The following BRAF variants were observed in gnomAD, a reference collection of about 807,000 sequenced individuals.
BRAF encodes the protein serine/threonine-protein kinase B-raf.
Under a neutral mutation model 104.6 loss-of-function variants are expected in BRAF, and 16 were observed. The observed-to-expected ratio is 0.15, with a 90% CI of 0.10 to 0.23. BRAF has a LOEUF of 0.23. BRAF is among the 10% of genes least tolerant of loss of function. The probability of loss-of-function intolerance (pLI) is 1.00; values close to 1 mark genes in which losing one functional copy is unlikely to be tolerated. For synonymous variants in BRAF, 310 were observed against 341.6 expected (o/e 0.91, Z 1.02); for missense variants, 541 against 937.3 (o/e 0.58, Z 5.52).
intron 2 of BRAF, among the ~76,000 whole-genome samples, chr7:140,844,745 G>A (rs1808367789): frequency 6.6e-6 from 1 of 152,138 alleles, no homozygotes; most frequent in African/African-American, 2.4e-5. Flanking sequence ...GGTCAACATG[G>A]TGAAACTCCG....
chr7:140,777,951 A>G, intron 13 of BRAF, 40 bp downstream of exon 12: 1 of 1,587,972 alleles, frequency 6.3e-7, no homozygotes, highest in Non-Finnish European at 8.6e-7. Context: ...TAATAAAAAT[A>G]ACTTCTTTCT....
In BRAF at chr7:140,720,898, C is replaced by T; in HGVS notation, c.*5596G>A. ...ACCCTTCCTTTGCGGCATCTCTTCA[C>T]AAATTTTCTGCCAACTCTCCCGCAT... On this transcript the variant is annotated 3_prime_UTR_variant, in exon 20 of 20. Coordinates refer to ENST00000644969, the MANE Select transcript of BRAF (RefSeq NM_001374258.1). 9.4e-7 allele frequency: 1 copy of T among 1,066,108 alleles called. No homozygotes were observed. Among genetic ancestry groups the T allele is most frequent in the Non-Finnish European group, 1.1e-6 (1 of 879,760 alleles). The allele number at this position is 1,066,108 out of a possible 1,614,324, so 66.0% of individuals were successfully genotyped here.
intron 12 of BRAF, chr7:140,780,505 G>C (rs912506769): frequency 6.6e-6 from 1 of 152,094 alleles, no homozygotes; most frequent in South Asian, 2.1e-4. Context: ...GCCTCCCAAA[G>C]TGCTGGGATT....
chr7:140,757,210 T>C (rs984456550), intron 14 of BRAF, among the ~76,000 whole-genome samples: 3 of 152,258 alleles, frequency 2.0e-5, no homozygotes, highest in South Asian at 4.1e-4. Context: ...TCAATTACAA[T>C]CCTAGAATAA....
At chr7:140,865,068 T>G (rs1810802314) in intron 1 of BRAF, among the ~76,000 whole-genome samples, 1 of 148,876 alleles carries the variant, frequency 6.7e-6, no homozygotes, top group South Asian at 2.1e-4. Flanking sequence ...TTGCAATGAG[T>G]GGAGGAAATG....
intron 5 of BRAF, among the ~76,000 whole-genome samples, chr7:140,802,147 T>C (rs1803188085): frequency 6.6e-6 from 1 of 152,180 alleles, no homozygotes; most frequent in South Asian, 2.1e-4. Flanking sequence ...CAGTCATGTG[T>C]CACATAATGA....
chr7:140,869,629 T>C (rs1433990419), intron 1 of BRAF, among the ~76,000 whole-genome samples: 1 of 146,708 alleles, frequency 6.8e-6, no homozygotes, highest in African/African-American at 2.5e-5. Flanking sequence ...TGAGACTCTG[T>C]CTCAAACAAA....
At chr7:140,829,028 G>A (rs976748935) in intron 3 of BRAF, among the ~76,000 whole-genome samples, 2 of 151,986 alleles carry the variant, frequency 1.3e-5, no homozygotes, top group Non-Finnish European at 1.5e-5. Context: ...CATCTTATAC[G>A]AACTGCCTAT....
intron 19 of BRAF, chr7:140,731,388 G>C (rs966565737): frequency 1.3e-5 from 2 of 152,162 alleles, no homozygotes; most frequent in African/African-American, 2.4e-5. Context: ...TGAGAAAACA[G>C]TCACAGGAAA....
At chr7:140,783,214 T>A (rs2129026555) in intron 10 of BRAF, 57 bp from the exon 10 acceptor site, 1 of 1,596,516 alleles carries the variant, frequency 6.3e-7, no homozygotes, top group Non-Finnish European at 8.6e-7. Context: ...TGTTAATTTA[T>A]CAGGGGTAGA....
At chr7:140,760,373 A>C (rs1331824756) in intron 14 of BRAF, among the ~76,000 whole-genome samples, 2 of 150,468 alleles carry the variant, frequency 1.3e-5, no homozygotes, top group Non-Finnish European at 3.0e-5. Flanking sequence ...AGATCATGCC[A>C]TTGTACTCCA....
rs1795566298 is a variant in BRAF, at chr7:140,725,755, C to T, written c.*739G>A. 2 of 1,060,648 alleles carry T rather than the reference C, an allele frequency of 1.9e-6. No homozygotes were observed. The highest frequency in any genetic ancestry group is 1.0e-4 in the East Asian group (2 of 19,526). The allele number at this position is 1,060,648 out of a possible 1,614,324, so 65.7% of individuals were successfully genotyped here. ...TTGCTGGACCCAATGAGAAAGAAGG[C>T]AATGTGTGCCAGCACTATCTAGCCT... On this transcript the variant is annotated 3_prime_UTR_variant, in exon 20 of 20. Coordinates refer to ENST00000644969, the MANE Select transcript of BRAF (RefSeq NM_001374258.1).
chr7:140,742,240 A>G (rs139133925), intron 17 of BRAF, among the ~76,000 whole-genome samples: 1 of 151,996 alleles, frequency 6.6e-6, no homozygotes, highest in Admixed American at 6.6e-5. Flanking sequence ...TGCCCAGGCT[A>G]GAGTGTAGTG....
chr7:140,729,756 C>A (rs1174831690), intron 19 of BRAF, among the ~76,000 whole-genome samples: 1 of 152,066 alleles, frequency 6.6e-6, no homozygotes, highest in Non-Finnish European at 1.5e-5. Context: ...CCAGCCTGGG[C>A]AACAGAATGA....
In BRAF at chr7:140,833,172, C is replaced by T. The variant is rs1352750180; in HGVS notation, c.504+1437G>A. Among the ~76,000 whole-genome samples the T allele has an allele frequency of 7.2e-5, 11 of 152,288 alleles. No homozygotes were observed. In the South Asian group the frequency reaches 2.3e-3, roughly 32 times the overall value. Reference sequence around the variant, plus strand: ...GTGCTGGGATTACAGGCACGAGCCACTGTGCCCGGCCGGAGGCTAGTTAAA... The same window carrying T: ...GTGCTGGGATTACAGGCACGAGCCATTGTGCCCGGCCGGAGGCTAGTTAAA... On this transcript the variant is annotated intron_variant, in intron 3 of 19. Transcript: ENST00000644969.
rs1585929743 is a variant in BRAF at position 140,734,361 on chromosome 7, G to C, written c.2401+256C>G. On this transcript the variant is annotated intron_variant, in intron 19 of 19. Transcript: ENST00000644969. The stretch of plus-strand genomic sequence containing the variant: ...AACAGAAAGTAAAGCCTCTAGAAGA[G>C]GCTCTGCCAATTTTTAGCAATGTCT... 7.3e-6 allele frequency: 10 copies of C among 1,361,914 alleles called. No individual in the cohort carries two copies. In the East Asian group the frequency reaches 1.4e-4, roughly 19 times the overall value. 84.4% of individuals were successfully genotyped at this position (1,361,914 alleles called of 1,614,324 possible). A position where few individuals can be genotyped will look rare whatever the true frequency, so the allele number is the denominator to read the frequency against.
chr7:140,880,394 T>C (rs1812768566), intron 1 of BRAF, among the ~76,000 whole-genome samples: 1 of 151,954 alleles, frequency 6.6e-6, no homozygotes. Flanking sequence ...ATTCTAGTTA[T>C]TTTGCTATTT....
At chr7:140,852,621 G>A (rs1269786198) in intron 1 of BRAF, among the ~76,000 whole-genome samples, 2 of 151,688 alleles carry the variant, frequency 1.3e-5, no homozygotes, top group Non-Finnish European at 2.9e-5. Flanking sequence ...GGCTTCTTTT[G>A]TCAAGCTACA....
intron 17 of BRAF, among the ~76,000 whole-genome samples, chr7:140,743,586 G>A (rs1797109888): frequency 6.6e-6 from 1 of 151,976 alleles, no homozygotes; most frequent in South Asian, 2.1e-4. Flanking sequence ...GGTGGGTGGA[G>A]TGGGGAGGGA....
Sources: allele counts gnomAD v4.1 joint callset (sites outside exome capture counted in the v4.1 genomes callset), GRCh38; gene constraint gnomAD v4.1.1; transcripts MANE v1.5; gene names NCBI Gene and HGNC (gene_info 2026-07-23, HGNC 2026-07-21).